The following LCA5 variants were observed in gnomAD, a reference collection of about 807,000 sequenced individuals.
The protein encoded by LCA5 is lebercilin.
In LCA5, 37 loss-of-function variants were observed where a neutral mutation model predicts 53.0. That is an observed-to-expected ratio of 0.70 (90% CI 0.54 to 0.92). The LOEUF is 0.92. LCA5 is among the 40% of genes least tolerant of loss of function. The probability of loss-of-function intolerance (pLI) is 0.00; values close to 1 mark genes in which losing one functional copy is unlikely to be tolerated. For synonymous variants in LCA5, 303 were observed against 282.9 expected (o/e 1.07, Z -0.71); for missense variants, 806 against 790.5 (o/e 1.02, Z -0.23).
At chr6:79,536,126 T>A (rs1291413596) in intron 1 of LCA5, among the ~76,000 whole-genome samples, 1 of 152,186 alleles carries the variant, frequency 6.6e-6, no homozygotes, top group Non-Finnish European at 1.5e-5. Context: ...CTATAACTTA[T>A]TTGGATAAAC....
At chr6:79,514,871 G>C (rs535348376) in intron 2 of LCA5, among the ~76,000 whole-genome samples, 1 of 152,156 alleles carries the variant, frequency 6.6e-6, no homozygotes, top group South Asian at 2.1e-4. Context: ...AGGGTGCAGG[G>C]CAAGAGGAGA....
rs1554190983 is a variant in LCA5 at position 79,486,991 on chromosome 6, A to T, written c.*13T>A. The T allele has an allele frequency of 6.2e-7, 1 of 1,602,048 alleles. No individual in the cohort carries two copies. The highest frequency in any genetic ancestry group is 1.7e-5 in the Admixed American group (1 of 59,602). On this transcript the variant is annotated 3_prime_UTR_variant, in exon 8 of 8. Transcript: ENST00000369846. ...CAATATTTACAATTAGAAAAAATGT[A>T]TACTCTAGTCAGTCATCTCAGTGCT...
In LCA5 at chr6:79,513,276, T is replaced by C; in HGVS notation, c.656A>G (p.Asp219Gly). 6.2e-7 allele frequency: 1 copy of C among 1,613,754 alleles called. No homozygotes were observed. Among genetic ancestry groups the C allele is most frequent in the Non-Finnish European group, 8.5e-7 (1 of 1,179,822 alleles). Residue 219 changes from aspartate to glycine, a missense_variant, in exon 3 of 8, where the codon GAT becomes GGT. By Grantham distance (94) the Asp-to-Gly change is moderately conservative. Coordinates refer to ENST00000369846, the MANE Select transcript of LCA5 (RefSeq NM_001122769.3). The stretch of plus-strand genomic sequence containing the variant: ...TGAAACTAGTTTCTTTGCCAAATCA[T>C]CTCGTTCAGGTAGGTGTCTAGCTTC... Reference protein sequence around the residue: ...ISEARHLPERDDLAKKLVSAE... With the variant: ...ISEARHLPERGDLAKKLVSAE...
At chr6:79,516,050 C>T (rs550931038) in intron 2 of LCA5, among the ~76,000 whole-genome samples, 1 of 151,602 alleles carries the variant, frequency 6.6e-6, no homozygotes, top group East Asian at 1.9e-4. Context: ...AAAAATAATG[C>T]AAAATATTTC....
intron 7 of LCA5, chr6:79,488,336 T>C (rs1769732246): frequency 6.4e-6 from 1 of 157,336 alleles, no homozygotes; most frequent in African/African-American, 2.4e-5. Flanking sequence ...TTTTTAAAAA[T>C]GGGTCTATAT....
chr6:79,499,860 C>A (rs1243216624), intron 3 of LCA5, among the ~76,000 whole-genome samples: 2 of 150,704 alleles, frequency 1.3e-5, no homozygotes, highest in East Asian at 3.9e-4. Context: ...CCCCACCCCA[C>A]AACAGTCCCC....
intron 2 of LCA5, among the ~76,000 whole-genome samples, chr6:79,517,908 C>T (rs754197118): frequency 6.6e-6 from 1 of 152,000 alleles, no homozygotes; most frequent in Non-Finnish European, 1.5e-5. Flanking sequence ...ACAATTTTAC[C>T]ACTCCTGGCC....
chr6:79,508,911 T>TA (rs1399417809), intron 3 of LCA5, among the ~76,000 whole-genome samples: 2 of 152,186 alleles, frequency 1.3e-5, no homozygotes, highest in Non-Finnish European at 2.9e-5. Context: ...AAACAAATGC[T>TA]AAATTTTGCA....
rs1766508954 is a variant in LCA5 at position 79,518,381 on chromosome 6, T to C, written c.190+324A>G. Among the ~76,000 whole-genome samples the C allele has an allele frequency of 1.3e-5, 2 of 152,254 alleles. 1 individual carries two copies. Among genetic ancestry groups the C allele is most frequent in the East Asian group, 3.9e-4 (2 of 5,186 alleles). ...AAAAATGAAGATACAAAAAGGTACA[T>C]ATGATTTATAAACTTTTTTGCCTTT... On this transcript the variant is annotated intron_variant, in intron 2 of 7. Transcript: ENST00000369846.
Position 79,529,419 on chromosome 6 carries a change from C to T in LCA5, c.-192+7746G>A, listed in dbSNP as rs112110647. ...GTAACAAACCGCAGGGCTCATGCAC[C>T]TAGAGGGTCACAATAAGCGAACAGA... On this transcript the variant is annotated intron_variant, in intron 1 of 7. Coordinates refer to ENST00000369846, the MANE Select transcript of LCA5 (RefSeq NM_001122769.3). Among the ~76,000 whole-genome samples, 144 of 152,186 alleles carry T rather than the reference C, an allele frequency of 9.5e-4. 2 individuals carry two copies. Among genetic ancestry groups the T allele is most frequent in the African/African-American group, 3.4e-3 (140 of 41,518 alleles).
intron 3 of LCA5, among the ~76,000 whole-genome samples, chr6:79,511,025 A>C (rs1770396784): frequency 1.3e-5 from 2 of 152,154 alleles, no homozygotes; most frequent in African/African-American, 2.4e-5. Context: ...TGATTGTTAC[A>C]AATGGAAAAA....
In LCA5 at chr6:79,489,126, C is replaced by T. The variant is rs767009576; in HGVS notation, c.1189G>A (p.Glu397Lys). The part of the protein sequence containing the change: ...EREEKFVTDE[E>K]LHVVKQEVEK... ...ACCTCCTGTTTTACGACATGGAGTT[C>T]TTCATCTGTAACAAATTTTTCTTCT... The change falls in exon 7 of 8, where the codon GAA (glutamate) becomes AAA (lysine). Residue 397 changes from glutamate (E) to lysine (K), a missense_variant. Physicochemically the swap from Glu to Lys is moderately conservative, Grantham distance 56. Coordinates refer to ENST00000369846, the MANE Select transcript of LCA5 (RefSeq NM_001122769.3). 2 of 1,613,102 alleles carry T rather than the reference C, an allele frequency of 1.2e-6. No homozygotes were observed. The highest frequency in any genetic ancestry group is 2.7e-5 in the African/African-American group (2 of 74,856).
chr6:79,494,276 T>G (rs188674305), intron 3 of LCA5, among the ~76,000 whole-genome samples: 1 of 151,558 alleles, frequency 6.6e-6, no homozygotes, highest in Non-Finnish European at 1.5e-5. Flanking sequence ...CTTGGGCAAA[T>G]AAGATACCAA....
Position 79,513,279 on chromosome 6 carries a change from C to T in LCA5, c.653G>A (p.Arg218Gln), listed in dbSNP as rs1402281645. ...EISEARHLPE[R>Q]DDLAKKLVSA... ...AACTAGTTTCTTTGCCAAATCATCT[C>T]GTTCAGGTAGGTGTCTAGCTTCAGA... Residue 218 changes from arginine to glutamine, a missense_variant, in exon 3 of 8, where the codon CGA becomes CAA. Coordinates refer to ENST00000369846, the MANE Select transcript of LCA5 (RefSeq NM_001122769.3). The T allele has an allele frequency of 2.5e-6, 4 of 1,613,596 alleles. No individual in the cohort carries two copies. The highest frequency in any genetic ancestry group is 2.2e-5 in the East Asian group (1 of 44,836).
rs544211953 is a variant in LCA5 at position 79,526,861 on chromosome 6, A to T, written c.-191-7776T>A. ...ACTTGGGATTGTCCCCCTACAAGCT[A>T]TTATATGGGCTCCTATATTTTGGCA... On this transcript the variant is annotated intron_variant, in intron 1 of 7. Coordinates refer to ENST00000369846, the MANE Select transcript of LCA5 (RefSeq NM_001122769.3). Among the ~76,000 whole-genome samples the T allele has an allele frequency of 5.9e-5, 9 of 152,320 alleles. No individual in the cohort carries two copies. The South Asian group carries it at 1.9e-3, about 32-fold the overall frequency.
Position 79,487,747 on chromosome 6 carries a change from T to C in LCA5, c.1351A>G (p.Met451Val), listed in dbSNP as rs895724212. The change falls in exon 8 of 8, where the codon ATG becomes GTG. Residue 451 changes from methionine to valine, a missense_variant. Transcript: ENST00000369846. Reference sequence around the variant, plus strand: ...TCTTCCTCTCCTTGCAATTTATCCATATTCTGAATTGGATACATTCCTAGT... The same window carrying C: ...TCTTCCTCTCCTTGCAATTTATCCACATTCTGAATTGGATACATTCCTAGT... ...YQLGMYPIQN[M>V]DKLQGEEEER... 6.2e-7 allele frequency: 1 copy of C among 1,613,720 alleles called. No homozygotes were observed. The highest frequency in any genetic ancestry group is 1.1e-5 in the South Asian group (1 of 91,070).
chr6:79,524,251 T>C (rs1253620252), intron 1 of LCA5, among the ~76,000 whole-genome samples: 1 of 152,200 alleles, frequency 6.6e-6, no homozygotes, highest in Non-Finnish European at 1.5e-5. Flanking sequence ...CCTGAGTTAG[T>C]GCACTATTTC....
At chr6:79,497,876 G>A (rs570074426) in intron 3 of LCA5, among the ~76,000 whole-genome samples, 2 of 150,882 alleles carry the variant, frequency 1.3e-5, no homozygotes, top group African/African-American at 4.9e-5. Context: ...AGGAGGCTGA[G>A]TCAGGAGAAT....
At chr6:79,490,673 C>CA (rs1769812862) in intron 6 of LCA5, among the ~76,000 whole-genome samples, 2 of 152,002 alleles carry the variant, frequency 1.3e-5, no homozygotes, top group Admixed American at 1.3e-4. Flanking sequence ...AATTATCAAA[C>CA]AAAAATAAAT....
Sources: allele counts gnomAD v4.1 joint callset (sites outside exome capture counted in the v4.1 genomes callset), GRCh38; gene constraint gnomAD v4.1.1; transcripts MANE v1.5; gene names NCBI Gene and HGNC (gene_info 2026-07-23, HGNC 2026-07-21).